The following SRGAP3 variants were observed in gnomAD, a reference collection of about 807,000 sequenced individuals.
SRGAP3 encodes SLIT-ROBO Rho GTPase-activating protein 3.
A neutral mutation model predicts 121.1 loss-of-function variants in SRGAP3; 39 were observed. The observed-to-expected ratio is 0.32, with a 90% CI of 0.25 to 0.42. The LOEUF (loss-of-function observed/expected upper bound fraction) is 0.42. Ranked by LOEUF, SRGAP3 falls within the 10% of genes least tolerant of loss-of-function variation. The pLI, the probability that SRGAP3 is intolerant of heterozygous loss-of-function variation, is 1.00. For missense variants in SRGAP3, 1,213 were observed against 1,470.6 expected (o/e 0.82, Z 2.86); for synonymous variants, 601 against 570.0 (o/e 1.05, Z -0.77).
At chr3:9,020,588 T>C (rs960524488) in intron 14 of SRGAP3, among the ~76,000 whole-genome samples, 1 of 152,226 alleles carries the variant, frequency 6.6e-6, no homozygotes, top group Admixed American at 6.5e-5. Flanking sequence ...GATTCGCATA[T>C]TGACTTTACA....
In SRGAP3 at chr3:9,212,570, C is replaced by A. The variant is rs1393575737; in HGVS notation, c.67+36315G>T. Among the ~76,000 whole-genome samples, 3 of 132,458 alleles carry A rather than the reference C, an allele frequency of 2.3e-5. No homozygotes were observed. In the East Asian group the frequency reaches 5.8e-4, roughly 26 times the overall value. The allele number at this position is 132,458 out of a possible 152,430, so 86.9% of individuals were successfully genotyped here. On this transcript the variant is annotated intron_variant, in intron 1 of 21. Coordinates refer to ENST00000383836, the MANE Select transcript of SRGAP3 (RefSeq NM_014850.4). ...CCTCTACTAAAAATACAAAAATTAG[C>A]TGGGTGTGGTGGCGGGTGCCTGTAA...
At chr3:9,154,863 C>CTT (rs55893707) in intron 1 of SRGAP3, among the ~76,000 whole-genome samples, 105 of 143,404 alleles carry the variant, frequency 7.3e-4, no homozygotes, top group African/African-American at 2.5e-3. Context: ...CTCTCTAGAA[C>CTT]TTTTTTTTTT....
intron 1 of SRGAP3, among the ~76,000 whole-genome samples, chr3:9,130,727 C>A (rs1429145415): frequency 6.6e-6 from 1 of 152,218 alleles, no homozygotes; most frequent in East Asian, 1.9e-4. Flanking sequence ...TGTATTCAAC[C>A]TCTTGCATTC....
chr3:9,134,348 C>T (rs1002769711), intron 1 of SRGAP3, among the ~76,000 whole-genome samples: 13 of 152,158 alleles, frequency 8.5e-5, no homozygotes, highest in Admixed American at 7.9e-4. Flanking sequence ...ATCAAGGGAG[C>T]ACTTGCCCCC....
chr3:9,358,081 GC>G (rs1049452248), intron 1 of SRGAP3, among the ~76,000 whole-genome samples: 1 of 151,990 alleles, frequency 6.6e-6, no homozygotes, highest in Non-Finnish European at 1.5e-5. Context: ...CACCATGTTG[GC>G]CAGGCTGGTC....
chr3:9,190,297 T>G (rs1447584391), intron 1 of SRGAP3, among the ~76,000 whole-genome samples: 1 of 152,218 alleles, frequency 6.6e-6, no homozygotes, highest in Admixed American at 6.5e-5. Flanking sequence ...TGGAAAGTCC[T>G]AGTTACCATG....
exon 2 of SRGAP3, chr3:9,330,593 T>G (rs1955590797): frequency 6.5e-6 from 1 of 153,180 alleles, no homozygotes. Context: ...ACTTCTGACA[T>G]CATCTGATAA....
At chr3:9,156,990 G>A (rs1010632052) in intron 1 of SRGAP3, among the ~76,000 whole-genome samples, 1 of 152,162 alleles carries the variant, frequency 6.6e-6, no homozygotes, top group Non-Finnish European at 1.5e-5. Context: ...AATATTCCAA[G>A]TATAGATCCA....
chr3:9,253,824 C>A (rs541282623), upstream of SRGAP3, among the ~76,000 whole-genome samples: 107 of 152,300 alleles, frequency 7.0e-4, no homozygotes, highest in African/African-American at 2.6e-3. Context: ...GTGGTCCTCA[C>A]AATAACCCTG....
chr3:9,287,470 C>A (rs543048168), intron 3 of SRGAP3, among the ~76,000 whole-genome samples: 18 of 152,208 alleles, frequency 1.2e-4, no homozygotes, highest in Non-Finnish European at 2.5e-4. Flanking sequence ...TATAATCCTA[C>A]ATTCACAGTG....
chr3:9,044,918 AG>A (rs1945185116), intron 10 of SRGAP3, among the ~76,000 whole-genome samples: 1 of 152,218 alleles, frequency 6.6e-6, no homozygotes, highest in South Asian at 2.1e-4. Flanking sequence ...CAGTGCCCTA[AG>A]AATCTACCTG....
At chr3:9,031,686 G>A (rs1481130891) in intron 12 of SRGAP3, among the ~76,000 whole-genome samples, 1 of 152,192 alleles carries the variant, frequency 6.6e-6, no homozygotes, top group East Asian at 1.9e-4. Context: ...GACCCTGTCT[G>A]AGGATCACAA....
chr3:9,076,170 C>T (rs1946967013), intron 4 of SRGAP3, among the ~76,000 whole-genome samples: 1 of 152,022 alleles, frequency 6.6e-6, no homozygotes, highest in African/African-American at 2.4e-5. Context: ...AGGAGTGGCC[C>T]CAGTTGAACC....
At chr3:9,045,393 C>G (rs775904432) in intron 10 of SRGAP3, among the ~76,000 whole-genome samples, 4 of 152,020 alleles carry the variant, frequency 2.6e-5, no homozygotes, top group Non-Finnish European at 5.9e-5. Flanking sequence ...TGCTAATCAG[C>G]TCAAAACTCA....
At chr3:9,060,718 C>T (rs566317042) in intron 5 of SRGAP3, among the ~76,000 whole-genome samples, 1 of 151,130 alleles carries the variant, frequency 6.6e-6, no homozygotes, top group Admixed American at 6.6e-5. Context: ...GGATTATAGG[C>T]GTGAGCCACC....
intron 12 of SRGAP3, among the ~76,000 whole-genome samples, chr3:9,032,236 A>T (rs1367392250): frequency 6.6e-6 from 1 of 152,226 alleles, no homozygotes; most frequent in Non-Finnish European, 1.5e-5. Context: ...TGATACCCAC[A>T]GGGATTTCCT....
intron 3 of SRGAP3, among the ~76,000 whole-genome samples, chr3:9,281,301 G>A (rs915844382): frequency 1.3e-5 from 2 of 152,204 alleles, no homozygotes; most frequent in African/African-American, 4.8e-5. Context: ...CAGGGCTGAG[G>A]ACTTGGCCCG....
In SRGAP3 at chr3:9,361,025, T is replaced by C. The variant is rs191749478; in HGVS notation, n.214+1815A>G. On this transcript the variant is annotated intron_variant and non_coding_transcript_variant, in intron 1 of 3. Coordinates refer to the SRGAP3 transcript ENST00000490889. The stretch of plus-strand genomic sequence containing the variant: ...TAATTTGCAATTCCCTAATGACTAA[T>C]GATGTTCAGCATCTTTTCATGTGCT... 4.7e-4 allele frequency among the ~76,000 whole-genome samples: 71 copies of C among 152,366 alleles called. 1 individual carries two copies. The highest frequency in any genetic ancestry group is 1.6e-3 in the African/African-American group (68 of 41,596).
intron 1 of SRGAP3, among the ~76,000 whole-genome samples, chr3:9,353,144 C>A (rs923889762): frequency 5.3e-5 from 8 of 152,250 alleles, no homozygotes; most frequent in Non-Finnish European, 1.0e-4. Flanking sequence ...CTTCCTGCAG[C>A]TGCCCCTTTG....
Sources: gnomAD v4.1 joint callset for allele counts (sites outside exome capture counted in the v4.1 genomes callset) on GRCh38, gnomAD v4.1.1 for gene constraint, MANE v1.5 for transcripts, NCBI Gene and HGNC (gene_info 2026-07-23, HGNC 2026-07-21) for gene names.